Variants in SUGCT observed in about 807,000 individuals in gnomAD.
SUGCT encodes the protein succinyl-CoA:glutarate-CoA transferase, also known as succinyl-CoA:glutarate CoA-transferase.
In SUGCT, 41 loss-of-function variants were observed where a neutral mutation model predicts 55.0. That is an observed-to-expected ratio of 0.74 (90% CI 0.58 to 0.97). The LOEUF is 0.97. Ranked by LOEUF, SUGCT falls within the 50% of genes least tolerant of loss-of-function variation. SUGCT has a pLI of 0.00. For synonymous variants in SUGCT, 187 were observed against 200.4 expected, an observed-to-expected ratio of 0.93 and a Z score of 0.56; for missense variants, 568 against 547.8, an observed-to-expected ratio of 1.04 and a Z score of -0.37.
chr7:40,873,689 T>C, the SUGCT span, among the ~76,000 whole-genome samples: 13 of 152,244 alleles, frequency 8.5e-5, no homozygotes, highest in East Asian at 1.9e-4. Flanking sequence ...TCAATACTTA[T>C]GCCTGACTTT....
At chr7:40,764,520 CA>C (rs893298774) in intron 13 of SUGCT, among the ~76,000 whole-genome samples, 1 of 150,330 alleles carries the variant, frequency 6.7e-6, no homozygotes, top group Non-Finnish European at 1.5e-5. Context: ...TTCTTTTCTT[CA>C]AAAAAAATAT....
chr7:40,531,396 C>T (rs751836632), intron 12 of SUGCT, among the ~76,000 whole-genome samples: 25 of 152,032 alleles, frequency 1.6e-4, no homozygotes, highest in Non-Finnish European at 3.1e-4. Context: ...GGGCTCCTCT[C>T]ATTATCACAG....
chr7:40,169,202 C>T (rs1464438558), intron 1 of SUGCT, among the ~76,000 whole-genome samples: 1 of 152,086 alleles, frequency 6.6e-6, no homozygotes, highest in African/African-American at 2.4e-5. Flanking sequence ...ATGTCTCTCC[C>T]TAACAAAGTG....
intron 13 of SUGCT, among the ~76,000 whole-genome samples, chr7:40,755,483 C>A (rs769585097): frequency 1.3e-4 from 20 of 152,218 alleles, no homozygotes; most frequent in Non-Finnish European, 2.6e-4. Context: ...GAAGATCTTG[C>A]ATAAGTTATC....
the SUGCT span, among the ~76,000 whole-genome samples, chr7:40,899,298 T>A: frequency 7.9e-5 from 12 of 152,144 alleles, no homozygotes; most frequent in African/African-American, 2.9e-4. Flanking sequence ...GTGAGCAACC[T>A]TCCTTAAGGC....
chr7:40,683,109 TA>T lies in SUGCT; in HGVS notation c.1090-66316del, dbSNP rs557225526. 8.7e-3 allele frequency among the ~76,000 whole-genome samples: 1,321 copies of T among 151,466 alleles called. 15 individuals carry two copies. Among genetic ancestry groups the T allele is most frequent in the African/African-American group, 0.029 (1,219 of 41,322 alleles). Reference sequence around the variant, plus strand: ...ATTTACTTTAGATGACTTTTCTGCTTAAAAAAAAAGTAACCTGACTTTTTTC... The same window carrying T: ...ATTTACTTTAGATGACTTTTCTGCTTAAAAAAAAGTAACCTGACTTTTTTC... On this transcript the variant is annotated intron_variant, in intron 12 of 13. Coordinates refer to ENST00000335693, the MANE Select transcript of SUGCT (RefSeq NM_001193313.2).
At chr7:40,511,972 T>A (rs1792957309) in intron 12 of SUGCT, among the ~76,000 whole-genome samples, 1 of 152,214 alleles carries the variant, frequency 6.6e-6, no homozygotes, top group Non-Finnish European at 1.5e-5. Flanking sequence ...AAATCAAATC[T>A]ATTCTCCACA....
chr7:40,870,904 G>A, the SUGCT span, among the ~76,000 whole-genome samples: 1 of 151,986 alleles, frequency 6.6e-6, no homozygotes, highest in South Asian at 2.1e-4. Flanking sequence ...GCCACTGAGA[G>A]CCTCTTCAGC....
chr7:40,432,685 CAAAAAAAAAAA>C (rs61055999), intron 9 of SUGCT, among the ~76,000 whole-genome samples: 65,306 of 117,904 alleles, frequency 0.55, 17,143 homozygotes, highest in East Asian at 0.82. Context: ...GACTCCCTCT[CAAAAAAAAAAA>C]AAAAAAAAAA....
At chr7:40,204,673 C>A (rs571952879) in intron 6 of SUGCT, among the ~76,000 whole-genome samples, 1 of 151,920 alleles carries the variant, frequency 6.6e-6, no homozygotes, top group Non-Finnish European at 1.5e-5. Context: ...GCCTGTAATA[C>A]CAGCACTTTG....
chr7:40,614,756 T>C (rs1798915656), intron 12 of SUGCT, among the ~76,000 whole-genome samples: 1 of 152,150 alleles, frequency 6.6e-6, no homozygotes, highest in Non-Finnish European at 1.5e-5. Context: ...TTAACCTGTG[T>C]CTCAGTTTCT....
At chr7:40,618,816 A>T (rs1025061172) in intron 12 of SUGCT, among the ~76,000 whole-genome samples, 10 of 152,190 alleles carry the variant, frequency 6.6e-5, no homozygotes, top group African/African-American at 2.4e-4. Flanking sequence ...GTTAATGGTG[A>T]TGTCTTCAGA....
At chr7:40,349,366 G>A (rs1797492769) in intron 9 of SUGCT, among the ~76,000 whole-genome samples, 2 of 151,468 alleles carry the variant, frequency 1.3e-5, no homozygotes, top group Admixed American at 1.3e-4. Context: ...GTCTTTTTTT[G>A]TAACAGAGTC....
Position 40,368,977 on chromosome 7 carries a change from G to T in SUGCT, c.816+52122G>T, listed in dbSNP as rs150569042. ...AAATTAGCTAGGCATGGTGGCGGGT[G>T]CCTGTAATCCCAGCTACTTGGGAGG... is the stretch of plus-strand genomic sequence containing the variant. On this transcript the variant is annotated intron_variant, in intron 9 of 13. Transcript: ENST00000335693. Among the ~76,000 whole-genome samples, 1,142 of 152,124 alleles carry T rather than the reference G, an allele frequency of 7.5e-3. 6 individuals carry two copies. The highest frequency in any genetic ancestry group is 0.013 in the South Asian group (61 of 4,822).
intron 9 of SUGCT, among the ~76,000 whole-genome samples, chr7:40,367,026 C>A (rs1484493220): frequency 1.3e-5 from 2 of 152,014 alleles, no homozygotes; most frequent in African/African-American, 4.8e-5. Flanking sequence ...AAATGTCCAA[C>A]AATGATAGAC....
At chr7:40,279,936 A>T (rs1792842572) in intron 8 of SUGCT, among the ~76,000 whole-genome samples, 1 of 152,200 alleles carries the variant, frequency 6.6e-6, no homozygotes, top group South Asian at 2.1e-4. Flanking sequence ...CGTGAGAATG[A>T]ATACAATTTC....
chr7:40,248,888 G>GCGCACACACACACA (rs774950218), intron 7 of SUGCT, among the ~76,000 whole-genome samples: 3 of 135,522 alleles, frequency 2.2e-5, no homozygotes, highest in African/African-American at 8.6e-5. Context: ...GCGCGCGCTC[G>GCGCACACACACACA]CACACACACA....
chr7:40,643,244 G>A (rs1401045294), intron 12 of SUGCT, among the ~76,000 whole-genome samples: 3 of 152,168 alleles, frequency 2.0e-5, no homozygotes, highest in African/African-American at 7.2e-5. Flanking sequence ...CCTTTCAAGT[G>A]ACTTGAAGCT....
At chr7:40,776,631 A>G (rs1789467145) in intron 13 of SUGCT, among the ~76,000 whole-genome samples, 2 of 152,182 alleles carry the variant, frequency 1.3e-5, no homozygotes, top group South Asian at 4.1e-4. Flanking sequence ...AAATGTCAAC[A>G]CCTCTATCTC....
Sources: allele counts gnomAD v4.1 joint callset (sites outside exome capture counted in the v4.1 genomes callset), GRCh38; gene constraint gnomAD v4.1.1; transcripts MANE v1.5; gene names NCBI Gene and HGNC (gene_info 2026-07-23, HGNC 2026-07-21).